The following UNC13B variants were observed in gnomAD, a reference collection of about 807,000 sequenced individuals.
The protein encoded by UNC13B is protein unc-13 homolog B.
In UNC13B, 144 loss-of-function variants were observed where a neutral mutation model predicts 211.0. That is an observed-to-expected ratio of 0.68 (90% confidence interval 0.60 to 0.78). The LOEUF is 0.78. UNC13B is among the 30% of genes least tolerant of loss of function. The probability of loss-of-function intolerance (pLI) is 0.00; values close to 1 mark genes in which losing one functional copy is unlikely to be tolerated. For missense variants in UNC13B, 1,777 were observed against 2,002.0 expected, an observed-to-expected ratio of 0.89 and a Z score of 2.14; for synonymous variants, 709 against 725.8, an observed-to-expected ratio of 0.98 and a Z score of 0.37.
At chr9:35,378,096 T>G (rs1393712989) in intron 16 of UNC13B, among the ~76,000 whole-genome samples, 199 bp from the exon 17 acceptor site, 1 of 151,982 alleles carries the variant, frequency 6.6e-6, no homozygotes, top group African/African-American at 2.4e-5. Flanking sequence ...AAGTGGTCAG[T>G]TAGGGCTTGG....
Position 35,295,986 on chromosome 9 carries a change from A to G in UNC13B, c.761+56A>G, listed in dbSNP as rs1030324159. On this transcript the variant is annotated intron_variant, in intron 8 of 39. Transcript: ENST00000635942. ...CCTAATATCCAGGTCTCATGATGCA[A>G]TTGGCAAGAAGAATTTGGATGCTTT... 2.6e-6 allele frequency: 4 copies of G among 1,509,746 alleles called. No individual in the cohort carries two copies. In the Admixed American group the frequency reaches 6.0e-5, roughly 22 times the overall value. The allele number at this position is 1,509,746 out of a possible 1,614,324, so 93.5% of individuals were successfully genotyped here. A position where few individuals can be genotyped will look rare whatever the true frequency, so the allele number is the denominator to read the frequency against.
intron 1 of UNC13B, among the ~76,000 whole-genome samples, chr9:35,179,562 A>G (rs140016927): frequency 2.2e-3 from 332 of 152,228 alleles, no homozygotes; most frequent in Non-Finnish European, 3.7e-3. Context: ...AGGCTGAGGC[A>G]TGTGCATAGC....
At position 35,399,655 on chromosome 9, in the gene UNC13B, A is replaced by C; in HGVS notation, c.12262A>C (p.Met4088Leu). ...LSHLSKLKDH[M>L]VREETRNLTP... The stretch of plus-strand genomic sequence containing the variant: ...TGCTGATTTCTCTGAACAGGATCAC[A>C]TGGTACGAGAGGAAACACGGAATCT... Residue 4088 changes from methionine (M) to leucine (L), a missense_variant, in exon 36 of 40, where the codon ATG becomes CTG. Coordinates refer to ENST00000635942, the MANE Select transcript of UNC13B (RefSeq NM_001371189.2). 3 of 1,614,126 alleles carry C rather than the reference A, an allele frequency of 1.9e-6. No homozygotes were observed. The highest frequency in any genetic ancestry group is 1.7e-6 in the Non-Finnish European group (2 of 1,180,014).
chr9:35,351,899 A>G (rs1832742280), intron 11 of UNC13B: 2 of 1,232,160 alleles, frequency 1.6e-6, no homozygotes, highest in Non-Finnish European at 2.0e-6. Flanking sequence ...CCTTTTGTCC[A>G]GAGGCCATGG....
intron 3 of UNC13B, among the ~76,000 whole-genome samples, chr9:35,232,178 T>C (rs1037563525): frequency 1.3e-5 from 1 of 79,274 alleles, no homozygotes; most frequent in Non-Finnish European, 2.5e-5. Context: ...ATATTGCTGC[T>C]TTTTTTTTTT....
chr9:35,274,893 T>C (rs1012981938), intron 7 of UNC13B, among the ~76,000 whole-genome samples: 2 of 152,206 alleles, frequency 1.3e-5, no homozygotes, highest in Admixed American at 1.3e-4. Flanking sequence ...CAATCATTTT[T>C]TGTCATACTG....
chr9:35,295,716 G>T lies in UNC13B; in HGVS notation c.547G>T (p.Ala183Ser). 3 of 1,614,100 alleles carry T rather than the reference G, an allele frequency of 1.9e-6. No individual in the cohort carries two copies. The highest frequency in any genetic ancestry group is 2.5e-6 in the Non-Finnish European group (3 of 1,180,022). Residue 183 changes from alanine (A) to serine (S), a missense_variant, in exon 8 of 40, where the codon GCC becomes TCC. Physicochemically the swap from Ala to Ser is moderately conservative, Grantham distance 99. Coordinates refer to ENST00000635942, the MANE Select transcript of UNC13B (RefSeq NM_001371189.2). ...CATAGCTTTTGAAGACCCTGATAGTGCCGTCGATGACCGAGATAGTGACTA... is the reference window on the plus strand; with the variant it reads ...CATAGCTTTTGAAGACCCTGATAGTTCCGTCGATGACCGAGATAGTGACTA... The part of the protein sequence containing the change: ...AQCSFEDPDS[A>S]VDDRDSDYRS...
At chr9:35,204,642 C>A (rs1823536957) in intron 1 of UNC13B, among the ~76,000 whole-genome samples, 1 of 152,178 alleles carries the variant, frequency 6.6e-6, no homozygotes, top group Non-Finnish European at 1.5e-5. Flanking sequence ...GGGTTTGGGA[C>A]TTGCGTGGGG....
intron 3 of UNC13B, among the ~76,000 whole-genome samples, chr9:35,232,252 T>C (rs995944037): frequency 1.4e-5 from 2 of 144,014 alleles, no homozygotes; most frequent in African/African-American, 2.6e-5. Flanking sequence ...ATGATCATAG[T>C]TTACTGCAGC....
In UNC13B at chr9:35,183,314, G is replaced by A. The variant is rs1445312799; in HGVS notation, c.22+21009G>A. ...GGCAGAGGCGCCCCTCACCTCCCAG[G>A]CGGGGCAGCCGGGCAGAGGCGCCCC... On this transcript the variant is annotated intron_variant, in intron 1 of 39. Coordinates refer to ENST00000635942, the MANE Select transcript of UNC13B (RefSeq NM_001371189.2). Among the ~76,000 whole-genome samples, 40 of 72,918 alleles carry A rather than the reference G, an allele frequency of 5.5e-4. 7 individuals are homozygous for A. Among genetic ancestry groups the A allele is most frequent in the East Asian group, 2.2e-3 (4 of 1,842 alleles). The allele number at this position is 72,918 out of a possible 152,430, so 47.8% of individuals were successfully genotyped here.
intron 24 of UNC13B, among the ~76,000 whole-genome samples, chr9:35,386,636 C>T (rs58108278): frequency 0.029 from 4,474 of 152,202 alleles, 225 homozygotes; most frequent in African/African-American, 0.1. Flanking sequence ...CTGACTCTTG[C>T]AGACTCTTGT....
In UNC13B at chr9:35,243,458, C is replaced by G. The variant is rs1825919403; in HGVS notation, c.468+94C>G. ...AGGGAGGGGCCCAAGAGCATGTTGT[C>G]CTGAGAATGAAATCACTTAAATTGC... On this transcript the variant is annotated intron_variant, in intron 6 of 39. Transcript: ENST00000635942. 4 of 1,286,468 alleles carry G rather than the reference C, an allele frequency of 3.1e-6. No homozygotes were observed. In the Admixed American group the frequency reaches 8.1e-5, roughly 26 times the overall value. The allele number at this position is 1,286,468 out of a possible 1,614,324, so 79.7% of individuals were successfully genotyped here. A position where few individuals can be genotyped will look rare whatever the true frequency, so the allele number is the denominator to read the frequency against.
rs574712853 is a variant in UNC13B, at chr9:35,237,915, C to A, written c.394+89C>A. ...GTTTCATTAATGTATATTTTGTCAC[C>A]TCAGCCATCTCCTTTGAGGATATTT... is the stretch of plus-strand genomic sequence containing the variant. On this transcript the variant is annotated intron_variant, in intron 5 of 39. Coordinates refer to ENST00000635942, the MANE Select transcript of UNC13B (RefSeq NM_001371189.2). 23 of 1,330,506 alleles carry A rather than the reference C, an allele frequency of 1.7e-5. 1 individual carries two copies. In the Admixed American group the frequency reaches 5.7e-4, roughly 33 times the overall value. 82.4% of individuals were successfully genotyped at this position (1,330,506 alleles called of 1,614,324 possible).
intron 6 of UNC13B, among the ~76,000 whole-genome samples, chr9:35,244,227 T>A (rs573717195): frequency 6.6e-6 from 1 of 152,092 alleles, no homozygotes; most frequent in Admixed American, 6.5e-5. Flanking sequence ...GAAAGATTAA[T>A]GGAACAAAGA....
At chr9:35,293,702 T>C (rs1375178630) in intron 7 of UNC13B, among the ~76,000 whole-genome samples, 1 of 152,230 alleles carries the variant, frequency 6.6e-6, no homozygotes, top group East Asian at 1.9e-4. Context: ...TTCCAAAGTC[T>C]CTTTTTCTTA....
intron 11 of UNC13B, among the ~76,000 whole-genome samples, chr9:35,333,878 G>A (rs993974104): frequency 2.6e-5 from 4 of 152,306 alleles, no homozygotes; most frequent in African/African-American, 9.6e-5. Context: ...GCTGGAGGCA[G>A]GAGCTCTGTC....
chr9:35,312,749 G>T (rs545463093), intron 10 of UNC13B, among the ~76,000 whole-genome samples: 1 of 152,222 alleles, frequency 6.6e-6, no homozygotes, highest in African/African-American at 2.4e-5. Flanking sequence ...AAACATTGTT[G>T]CCAAGAATTA....
intron 11 of UNC13B, among the ~76,000 whole-genome samples, chr9:35,323,604 C>T (rs1203561377): frequency 1.3e-5 from 2 of 152,216 alleles, no homozygotes; most frequent in Non-Finnish European, 2.9e-5. Context: ...AGACTGTTTT[C>T]GCCTTCTGAG....
chr9:35,279,245 T>A (rs576955324), intron 7 of UNC13B, among the ~76,000 whole-genome samples: 1 of 152,302 alleles, frequency 6.6e-6, no homozygotes, highest in Non-Finnish European at 1.5e-5. Context: ...ACTTTCTGTC[T>A]CTATGGATTT....
Sources: allele counts gnomAD v4.1 joint callset (sites outside exome capture counted in the v4.1 genomes callset), GRCh38; gene constraint gnomAD v4.1.1; transcripts MANE v1.5; gene names NCBI Gene and HGNC (gene_info 2026-07-23, HGNC 2026-07-21).